The following RHBDL3 variants were observed in gnomAD, a reference collection of about 807,000 sequenced individuals.
The protein encoded by RHBDL3 is rhomboid-related protein 3.
Under a neutral mutation model 48.2 loss-of-function variants are expected in RHBDL3, and 28 were observed. The observed-to-expected ratio is 0.58, with a 90% CI of 0.43 to 0.80. The LOEUF is 0.80. RHBDL3 is among the 30% of genes least tolerant of loss of function. The probability of loss-of-function intolerance (pLI) is 0.00; values close to 1 mark genes in which losing one functional copy is unlikely to be tolerated. For missense variants in RHBDL3, 464 were observed against 542.7 expected (o/e 0.85, Z 1.44); for synonymous variants, 208 against 232.3 (o/e 0.90, Z 0.95).
intron 3 of RHBDL3, 59 bp from the exon 4 acceptor site, chr17:32,288,733 G>A (rs1406113663): frequency 7.7e-7 from 1 of 1,299,794 alleles, no homozygotes; most frequent in Non-Finnish European, 1.1e-6. Context: ...CTGGGAAGTG[G>A]GTGGGGAGCT....
At chr17:32,319,061 C>A (rs1184011359) in intron 8 of RHBDL3, among the ~76,000 whole-genome samples, 1 of 151,676 alleles carries the variant, frequency 6.6e-6, no homozygotes, top group Non-Finnish European at 1.5e-5. Context: ...GCTTCTGCGT[C>A]TGCTTAGGCT....
chr17:32,267,497 G>A (rs1207318583), intron 1 of RHBDL3, among the ~76,000 whole-genome samples: 6 of 151,104 alleles, frequency 4.0e-5, no homozygotes, highest in Non-Finnish European at 8.8e-5. Flanking sequence ...TGATGGAATT[G>A]CACCTGGCCA....
intron 2 of RHBDL3, among the ~76,000 whole-genome samples, chr17:32,268,340 C>A (rs1431909220): frequency 6.6e-6 from 1 of 152,202 alleles, no homozygotes; most frequent in Non-Finnish European, 1.5e-5. Context: ...CAAATCTCTG[C>A]CATCCTTGGG....
chr17:32,281,789 G>A (rs1333618220), intron 2 of RHBDL3, among the ~76,000 whole-genome samples: 2 of 152,188 alleles, frequency 1.3e-5, no homozygotes, highest in Non-Finnish European at 2.9e-5. Context: ...CTATGGTAGG[G>A]CTGTGAGACT....
At position 32,305,409 on chromosome 17, in the gene RHBDL3, C is replaced by T; in HGVS notation, c.850C>T (p.Leu284Phe). Residue 284 changes from leucine to phenylalanine, a missense_variant, in exon 7 of 9, where the codon CTC (leucine) becomes TTC (phenylalanine). Transcript: ENST00000269051. ...VVGSSGGVYALVSAHLANIVM... is the reference protein window; with the variant it reads ...VVGSSGGVYAFVSAHLANIVM... ...GGGCTCTTCTGGAGGGGTGTATGCT[C>T]TCGTCTCTGCCCATCTGGCCAACAT... The T allele has an allele frequency of 6.2e-7, 1 of 1,613,470 alleles. No individual in the cohort carries two copies. The highest frequency in any genetic ancestry group is 8.5e-7 in the Non-Finnish European group (1 of 1,179,438).
In RHBDL3 at chr17:32,283,647, T is replaced by A. The variant is rs150691110; in HGVS notation, c.136-1012T>A. ...CCGATCCTGCCTTTTCTAACTGAAC[T>A]GATGAGGCTTTTCATGGAAAATCAG... On this transcript the variant is annotated intron_variant, in intron 2 of 8. Coordinates refer to ENST00000269051, the MANE Select transcript of RHBDL3 (RefSeq NM_138328.3). 8.7e-4 allele frequency among the ~76,000 whole-genome samples: 133 copies of A among 152,324 alleles called. 1 individual carries two copies. In the East Asian group the frequency reaches 0.013, roughly 15 times the overall value.
chr17:32,298,028 TTGAA>T lies in RHBDL3; in HGVS notation c.669-38_669-35del, dbSNP rs528998601. 1.2e-3 allele frequency: 1,482 copies of T among 1,208,270 alleles called. 3 individuals are homozygous for T. Among genetic ancestry groups the T allele is most frequent in the Middle Eastern group, 0.011 (55 of 5,128 alleles). The allele number at this position is 1,208,270 out of a possible 1,614,324, so 74.8% of individuals were successfully genotyped here. ...GCATCTTGGGGGATGCAGGTGTTTG[TTGAA>T]TGAATGAATGAATGAATGAATGAAT... On this transcript the variant is annotated intron_variant, in intron 5 of 8. Transcript: ENST00000269051.
intron 8 of RHBDL3, among the ~76,000 whole-genome samples, chr17:32,319,946 C>A (rs983828261): frequency 3.3e-5 from 5 of 151,968 alleles, no homozygotes; most frequent in Admixed American, 1.3e-4. Flanking sequence ...ACACAAGAAG[C>A]GTGGATTGGT....
At position 32,312,122 on chromosome 17, in the gene RHBDL3, A is replaced by T. The variant is rs1314336301; in HGVS notation, c.883-4110A>T. 2.0e-5 allele frequency among the ~76,000 whole-genome samples: 3 copies of T among 152,368 alleles called. No individual in the cohort carries two copies. The East Asian group carries it at 5.8e-4, about 29-fold the overall frequency. On this transcript the variant is annotated intron_variant, in intron 7 of 8. Coordinates refer to ENST00000269051, the MANE Select transcript of RHBDL3 (RefSeq NM_138328.3). ...ATTATCACTCAGGACATAGTGAAAG[A>T]GACACTGTCTTCAGATAAGATATTC... is the stretch of plus-strand genomic sequence containing the variant.
intron 2 of RHBDL3, among the ~76,000 whole-genome samples, chr17:32,270,132 C>CAGAAA (rs1236420974): frequency 1.5e-5 from 1 of 68,104 alleles, no homozygotes; most frequent in Admixed American, 1.6e-4. Context: ...GACCCTTTCT[C>CAGAAA]AAAAAAAAAA....
At chr17:32,269,454 G>A (rs113727887) in intron 2 of RHBDL3, among the ~76,000 whole-genome samples, 2 of 152,248 alleles carry the variant, frequency 1.3e-5, no homozygotes, top group Admixed American at 1.3e-4. Context: ...TGCAGATGCC[G>A]GAGTGGGCGT....
chr17:32,273,069 C>A (rs921531861), intron 2 of RHBDL3, among the ~76,000 whole-genome samples: 1 of 152,230 alleles, frequency 6.6e-6, no homozygotes, highest in African/African-American at 2.4e-5. Flanking sequence ...AGCGCGATCT[C>A]AGCTTACCGC....
At chr17:32,307,043 G>A (rs1220452646) in intron 7 of RHBDL3, among the ~76,000 whole-genome samples, 1 of 152,204 alleles carries the variant, frequency 6.6e-6, no homozygotes, top group Non-Finnish European at 1.5e-5. Flanking sequence ...CCAGGATGGG[G>A]TCAGACTAGA....
chr17:32,307,100 A>G (rs978917579), intron 7 of RHBDL3, among the ~76,000 whole-genome samples: 4 of 152,216 alleles, frequency 2.6e-5, no homozygotes, highest in African/African-American at 9.7e-5. Context: ...CTTAGAGGAT[A>G]TCAAAATCCT....
rs558448951 is a variant in RHBDL3, at chr17:32,324,292, T to C, written c.*3063T>C. Reference sequence around the variant, plus strand: ...GCTCTTTTGCCAGCTAATAGGACTCTCGATTTCCATGAGAACCATTCTTGC... The same window carrying C: ...GCTCTTTTGCCAGCTAATAGGACTCCCGATTTCCATGAGAACCATTCTTGC... On this transcript the variant is annotated 3_prime_UTR_variant, in exon 9 of 9. Coordinates refer to ENST00000269051, the MANE Select transcript of RHBDL3 (RefSeq NM_138328.3). 12 of 152,784 alleles carry C rather than the reference T, an allele frequency of 7.9e-5. No individual in the cohort carries two copies. The highest frequency in any genetic ancestry group is 2.9e-4 in the African/African-American group (12 of 41,588). 9.5% of individuals were successfully genotyped at this position (152,784 alleles called of 1,614,324 possible).
intron 7 of RHBDL3, among the ~76,000 whole-genome samples, chr17:32,313,123 G>A (rs1375268145): frequency 6.6e-6 from 1 of 151,940 alleles, no homozygotes; most frequent in Non-Finnish European, 1.5e-5. Context: ...TTGGGAGGCC[G>A]AGGCTGGAGG....
chr17:32,292,501 G>A (rs866079717), intron 4 of RHBDL3, among the ~76,000 whole-genome samples: 9 of 152,252 alleles, frequency 5.9e-5, no homozygotes, highest in Middle Eastern at 3.4e-3. Flanking sequence ...GTAGATGAAT[G>A]GAGAAACAAA....
At position 32,322,560 on chromosome 17, in the gene RHBDL3, G is replaced by C. The variant is rs1209349049; in HGVS notation, c.*1331G>C. On this transcript the variant is annotated 3_prime_UTR_variant, in exon 9 of 9. Transcript: ENST00000269051. ...GAGGCCATGTGTCCATTTAAGTTAG[G>C]GGGACAGGAGGCTACAGGAAGAGGA... is the stretch of plus-strand genomic sequence containing the variant. 6.6e-6 allele frequency: 1 copy of C among 152,278 alleles called. No individual in the cohort carries two copies. The highest frequency in any genetic ancestry group is 2.4e-5 in the African/African-American group (1 of 41,444). 9.4% of individuals were successfully genotyped at this position (152,278 alleles called of 1,614,324 possible).
rs1043429790 is a variant in RHBDL3, at chr17:32,324,373, A to G, written c.*3144A>G. Reference sequence around the variant, plus strand: ...CACCAGGATCTTCCCCCAGCGTCCAATTTAATTTGCAAATACGTAATGCAG... The same window carrying G: ...CACCAGGATCTTCCCCCAGCGTCCAGTTTAATTTGCAAATACGTAATGCAG... On this transcript the variant is annotated 3_prime_UTR_variant, in exon 9 of 9. Coordinates refer to ENST00000269051, the MANE Select transcript of RHBDL3 (RefSeq NM_138328.3). 2.6e-5 allele frequency: 4 copies of G among 152,588 alleles called. No individual in the cohort carries two copies. The highest frequency in any genetic ancestry group is 2.0e-4 in the Admixed American group (3 of 15,258). The allele number at this position is 152,588 out of a possible 1,614,324, so 9.5% of individuals were successfully genotyped here.
Sources: allele counts gnomAD v4.1 joint callset (sites outside exome capture counted in the v4.1 genomes callset), GRCh38; gene constraint gnomAD v4.1.1; transcripts MANE v1.5; gene names NCBI Gene and HGNC (gene_info 2026-07-23, HGNC 2026-07-21).